PPFIA2: variants seen among roughly 807,000 people sequenced by gnomAD.
PPFIA2 encodes the protein PPFI scaffold protein A2, also known as liprin-alpha-2.
Under a neutral mutation model 175.5 loss-of-function variants are expected in PPFIA2, and 46 were observed. That is an observed-to-expected ratio of 0.26 (90% CI 0.21 to 0.34). PPFIA2 has a LOEUF of 0.34. PPFIA2 is among the 10% of genes least tolerant of loss of function. PPFIA2 has a pLI of 1.00. For synonymous variants in PPFIA2, 568 were observed against 511.4 expected, an observed-to-expected ratio of 1.11 and a Z score of -1.49; for missense variants, 1,179 against 1,506.1, an observed-to-expected ratio of 0.78 and a Z score of 3.60.
intron 7 of PPFIA2, among the ~76,000 whole-genome samples, chr12:81,419,614 G>A (rs1386379248): frequency 6.6e-6 from 1 of 151,932 alleles, no homozygotes; most frequent in Admixed American, 6.6e-5. Flanking sequence ...TTTGAAAGAT[G>A]TCAGTGTATT....
At chr12:81,558,704 G>C (rs1458435408) in intron 4 of PPFIA2, among the ~76,000 whole-genome samples, 4 of 152,134 alleles carry the variant, frequency 2.6e-5, no homozygotes, top group African/African-American at 9.7e-5. Flanking sequence ...TACTTGAAGA[G>C]GTGGCTATGT....
chr12:81,671,966 CATG>C (rs1454564280), intron 4 of PPFIA2, among the ~76,000 whole-genome samples: 1 of 151,912 alleles, frequency 6.6e-6, no homozygotes, highest in Non-Finnish European at 1.5e-5. Flanking sequence ...CTTGTGCTTA[CATG>C]ATATTATAAT....
rs370856246 is a variant in PPFIA2, at chr12:81,594,071, G to A, written c.303+82720C>T. Among the ~76,000 whole-genome samples, 102 of 152,172 alleles carry A rather than the reference G, an allele frequency of 6.7e-4. 3 individuals are homozygous for A. The South Asian group carries it at 0.019, about 29-fold the overall frequency. Reference sequence around the variant, plus strand: ...AGGAGTGTGAACCCTATCGTGAACTGTGCTTGTGAGGGATCTATGTTGCAC... The same window carrying A: ...AGGAGTGTGAACCCTATCGTGAACTATGCTTGTGAGGGATCTATGTTGCAC... On this transcript the variant is annotated intron_variant, in intron 4 of 32. Coordinates refer to ENST00000549396, the MANE Select transcript of PPFIA2 (RefSeq NM_003625.5).
At chr12:81,660,896 C>CTTAAAGAAAAGA (rs2068722955) in intron 4 of PPFIA2, among the ~76,000 whole-genome samples, 1 of 152,150 alleles carries the variant, frequency 6.6e-6, no homozygotes, top group East Asian at 1.9e-4. Flanking sequence ...CAATATTCAA[C>CTTAAAGAAAAGA]ATTCTTAAAG....
intron 4 of PPFIA2, among the ~76,000 whole-genome samples, chr12:81,664,799 A>C (rs2153554824): frequency 6.6e-6 from 1 of 152,264 alleles, no homozygotes; most frequent in Non-Finnish European, 1.5e-5. Flanking sequence ...AATGTCCAAC[A>C]ATGATAGACT....
chr12:81,582,679 C>T (rs1401695144), intron 4 of PPFIA2, among the ~76,000 whole-genome samples: 1 of 151,634 alleles, frequency 6.6e-6, no homozygotes, highest in African/African-American at 2.4e-5. Flanking sequence ...TTGGGGATTA[C>T]TTAATAGTGC....
intron 4 of PPFIA2, among the ~76,000 whole-genome samples, chr12:81,580,657 CA>C (rs2074265188): frequency 6.6e-6 from 1 of 151,386 alleles, no homozygotes; most frequent in Non-Finnish European, 1.5e-5. Context: ...ACCAAATAAA[CA>C]AAAACATCAA....
intron 4 of PPFIA2, among the ~76,000 whole-genome samples, chr12:81,498,595 T>C (rs901715125): frequency 1.3e-5 from 2 of 152,162 alleles, no homozygotes; most frequent in African/African-American, 4.8e-5. Context: ...ATGGGGATTT[T>C]ATTTAACTTA....
At chr12:81,379,414 C>T (rs915989460) in intron 9 of PPFIA2, among the ~76,000 whole-genome samples, 6 of 152,172 alleles carry the variant, frequency 3.9e-5, no homozygotes, top group Admixed American at 2.0e-4. Context: ...AAAGGCAACA[C>T]TGAGATGTAT....
At chr12:81,543,938 T>A (rs1035582777) in intron 4 of PPFIA2, among the ~76,000 whole-genome samples, 2 of 152,126 alleles carry the variant, frequency 1.3e-5, no homozygotes, top group Non-Finnish European at 2.9e-5. Context: ...TTCAAAACTG[T>A]CAAGGTCATC....
Position 81,537,045 on chromosome 12 carries a change from C to T in PPFIA2, c.304-79179G>A, listed in dbSNP as rs556766300. On this transcript the variant is annotated intron_variant, in intron 4 of 32. Transcript: ENST00000549396. ...ACTCTTTATAGAATACAATACAGCC[C>T]TAAAGTCTGAGTGGAAAGCAGAAGG... Among the ~76,000 whole-genome samples, 28 of 151,098 alleles carry T rather than the reference C, an allele frequency of 1.9e-4. No individual in the cohort carries two copies. The South Asian group carries it at 5.4e-3, about 29-fold the overall frequency.
intron 23 of PPFIA2, chr12:81,298,070 T>A (rs2046933967): frequency 6.6e-6 from 1 of 152,220 alleles, no homozygotes; most frequent in South Asian, 2.1e-4. Context: ...AAGGATTTGT[T>A]CGTCGCTTGC....
chr12:81,517,389 T>C (rs1374977923), intron 4 of PPFIA2, among the ~76,000 whole-genome samples: 1 of 152,158 alleles, frequency 6.6e-6, no homozygotes, highest in Non-Finnish European at 1.5e-5. Flanking sequence ...TATGTAGCTG[T>C]AGCAGCTCCA....
At chr12:81,580,102 G>A (rs1363659580) in intron 4 of PPFIA2, among the ~76,000 whole-genome samples, 1 of 151,762 alleles carries the variant, frequency 6.6e-6, no homozygotes, top group Admixed American at 6.6e-5. Context: ...TATTATTAAG[G>A]AACAAAGTAT....
At chr12:81,374,468 G>A (rs934124953) in intron 11 of PPFIA2, among the ~76,000 whole-genome samples, 166 bp downstream of exon 11, 1 of 151,948 alleles carries the variant, frequency 6.6e-6, no homozygotes, top group African/African-American at 2.4e-5. Flanking sequence ...ATTCCTGCTG[G>A]CATAAATATG....
chr12:81,308,113 G>A (rs1224915989), intron 22 of PPFIA2, among the ~76,000 whole-genome samples: 3 of 152,020 alleles, frequency 2.0e-5, no homozygotes, highest in Non-Finnish European at 4.4e-5. Context: ...TAAATAAATT[G>A]CATTACAATT....
At chr12:81,481,415 A>C (rs1012891969) in intron 4 of PPFIA2, among the ~76,000 whole-genome samples, 1 of 152,190 alleles carries the variant, frequency 6.6e-6, no homozygotes, top group Non-Finnish European at 1.5e-5. Context: ...TGGAACCAAT[A>C]AAGAGCCCGC....
chr12:81,272,313 T>C (rs1265892609), intron 28 of PPFIA2, among the ~76,000 whole-genome samples: 3 of 152,136 alleles, frequency 2.0e-5, no homozygotes, highest in Non-Finnish European at 2.9e-5. Context: ...TTTCAAATAT[T>C]GCTTCTTTCT....
intron 4 of PPFIA2, among the ~76,000 whole-genome samples, chr12:81,567,074 T>A (rs1223487570): frequency 6.6e-6 from 1 of 152,218 alleles, no homozygotes; most frequent in Admixed American, 6.5e-5. Flanking sequence ...TGAGACTGAG[T>A]GGCGCTCTGT....
Sources: allele counts gnomAD v4.1 joint callset (sites outside exome capture counted in the v4.1 genomes callset), GRCh38; gene constraint gnomAD v4.1.1; transcripts MANE v1.5; gene names NCBI Gene and HGNC (gene_info 2026-07-23, HGNC 2026-07-21).